The following ASB3 variants were observed in gnomAD, a reference collection of about 807,000 sequenced individuals.
ASB3 encodes the protein ankyrin repeat and SOCS box containing 3, also known as ankyrin repeat and SOCS box protein 3.
A neutral mutation model predicts 54.5 loss-of-function variants in ASB3; 41 were observed. The ratio of observed to expected loss-of-function variants is 0.75; its 90% CI spans 0.59 to 0.98. The LOEUF (loss-of-function observed/expected upper bound fraction) is 0.98. Among genes scored for constraint, ASB3 ranks in the 50% least tolerant of loss-of-function variants. ASB3 has a pLI of 0.00. For missense variants in ASB3, 733 were observed against 620.0 expected (o/e 1.18, Z -1.94); for synonymous variants, 266 against 221.2 (o/e 1.20, Z -1.80).
chr2:53,714,419 T>C lies in ASB3; in HGVS notation c.945A>G (p.Gly315=), dbSNP rs1476355624. 6 of 1,614,076 alleles carry C rather than the reference T, an allele frequency of 3.7e-6. No homozygotes were observed. The East Asian group carries it at 8.9e-5, about 24-fold the overall frequency. Reference sequence around the variant, plus strand: ...AAGCCATGCACACAGGAGAACTGAATCCAAAAACAAGGCACGCCTGGGCGT... The same window carrying C: ...AAGCCATGCACACAGGAGAACTGAACCCAAAAACAAGGCACGCCTGGGCGT... ...SPDAQACLVF[G]FSSPVCMAFQ... Residue 315 remains glycine (G), a synonymous_variant, in exon 7 of 10, where the codon GGA becomes GGG. Coordinates refer to ENST00000263634, the MANE Select transcript of ASB3 (RefSeq NM_016115.5).
intron 2 of ASB3, among the ~76,000 whole-genome samples, chr2:53,764,518 G>C (rs965600701): frequency 6.6e-6 from 1 of 152,200 alleles, no homozygotes; most frequent in Non-Finnish European, 1.5e-5. Context: ...GTGGCACAAT[G>C]ACTATCACAA....
At chr2:53,708,717 G>A (rs1327675117) in intron 7 of ASB3, among the ~76,000 whole-genome samples, 1 of 152,216 alleles carries the variant, frequency 6.6e-6, no homozygotes, top group Non-Finnish European at 1.5e-5. Flanking sequence ...TGGGAAGTGA[G>A]CAAAGGTCAC....
chr2:53,685,456 T>TC (rs772306529), intron 9 of ASB3, among the ~76,000 whole-genome samples: 61 of 152,174 alleles, frequency 4.0e-4, no homozygotes, highest in Non-Finnish European at 7.9e-4. Context: ...TGTCCACCTT[T>TC]CCCCCACCAG....
At chr2:53,682,159 CAAAAAAA>C (rs773098555) in intron 9 of ASB3, among the ~76,000 whole-genome samples, 4 of 77,098 alleles carry the variant, frequency 5.2e-5, no homozygotes, top group African/African-American at 2.0e-4. Flanking sequence ...GACTCCGTCT[CAAAAAAA>C]AAAAAAAAAA....
Position 53,714,407 on chromosome 2 carries a change from A to T in ASB3, c.957T>A (p.Pro319=). Reference sequence around the variant, plus strand: ...ACTCCTTTTGGAAAGCCATGCACACAGGAGAACTGAATCCAAAAACAAGGC... The same window carrying T: ...ACTCCTTTTGGAAAGCCATGCACACTGGAGAACTGAATCCAAAAACAAGGC... ...QACLVFGFSS[P]VCMAFQKDCE... Residue 319 remains proline (P), a synonymous_variant, in exon 7 of 10, where the codon CCT becomes CCA. Coordinates refer to ENST00000263634, the MANE Select transcript of ASB3 (RefSeq NM_016115.5). The T allele has an allele frequency of 6.2e-7, 1 of 1,614,234 alleles. No individual in the cohort carries two copies. Among genetic ancestry groups the T allele is most frequent in the Non-Finnish European group, 8.5e-7 (1 of 1,180,026 alleles).
At chr2:53,765,288 A>G in intron 2 of ASB3, 89 bp downstream of exon 2, 2 of 1,523,504 alleles carry the variant, frequency 1.3e-6, no homozygotes, top group Non-Finnish European at 1.8e-6. Flanking sequence ...GGAAACAAAT[A>G]CTACTGTTAA....
intron 5 of ASB3, among the ~76,000 whole-genome samples, chr2:53,721,939 A>G (rs2103872188): frequency 6.6e-6 from 1 of 152,210 alleles, no homozygotes; most frequent in African/African-American, 2.4e-5. Flanking sequence ...AAATTGACAG[A>G]CTGCTAGCTA....
chr2:53,714,170 A>G (rs905935249), intron 7 of ASB3, among the ~76,000 whole-genome samples: 4 of 152,170 alleles, frequency 2.6e-5, no homozygotes, highest in Non-Finnish European at 4.4e-5. Flanking sequence ...AATATAATCC[A>G]GATCCAAAGA....
chr2:53,760,754 T>C (rs10181460), intron 2 of ASB3, among the ~76,000 whole-genome samples: 81,860 of 151,516 alleles, frequency 0.54, 22,764 homozygotes, highest in African/African-American at 0.68. Context: ...ATAGTCAGGA[T>C]CTGTGAAGTG....
intron 9 of ASB3, among the ~76,000 whole-genome samples, chr2:53,682,768 C>T (rs558068832): frequency 5.9e-5 from 9 of 152,286 alleles, no homozygotes; most frequent in Admixed American, 3.3e-4. Flanking sequence ...TGAGCCACTG[C>T]GCCCAGCCTG....
chr2:53,704,864 C>G (rs557858735), intron 7 of ASB3, among the ~76,000 whole-genome samples: 1 of 152,154 alleles, frequency 6.6e-6, no homozygotes, highest in Non-Finnish European at 1.5e-5. Context: ...TTTATTCTAT[C>G]TGATCACTTA....
At chr2:53,755,744 A>G (rs993511896) in intron 2 of ASB3, among the ~76,000 whole-genome samples, 1 of 152,244 alleles carries the variant, frequency 6.6e-6, no homozygotes, top group Non-Finnish European at 1.5e-5. Context: ...GAAGAGGAAG[A>G]GGTTGAAAGG....
At chr2:53,759,435 A>G (rs1673016716) in intron 2 of ASB3, among the ~76,000 whole-genome samples, 1 of 152,202 alleles carries the variant, frequency 6.6e-6, no homozygotes, top group Non-Finnish European at 1.5e-5. Flanking sequence ...GGATAAGTTT[A>G]TCACTCAGTC....
chr2:53,734,944 G>C (rs571011434), intron 3 of ASB3, among the ~76,000 whole-genome samples: 38 of 139,374 alleles, frequency 2.7e-4, no homozygotes, highest in South Asian at 4.6e-4. Flanking sequence ...TTTTGAGATG[G>C]AGTCTTGCTC....
chr2:53,708,655 A>T, intron 7 of ASB3, among the ~76,000 whole-genome samples: 1 of 152,242 alleles, frequency 6.6e-6, no homozygotes, highest in East Asian at 1.9e-4. Context: ...CTGATAGTGA[A>T]TAAAAGTAAA....
At chr2:53,781,952 A>T (rs550706887) in intron 1 of ASB3, among the ~76,000 whole-genome samples, 5 of 152,346 alleles carry the variant, frequency 3.3e-5, no homozygotes, top group African/African-American at 1.2e-4. Context: ...TTCAACAAGT[A>T]CTGGCTGGGT....
intron 8 of ASB3, among the ~76,000 whole-genome samples, chr2:53,695,032 G>A (rs961311362): frequency 4.0e-5 from 6 of 151,838 alleles, no homozygotes; most frequent in African/African-American, 1.5e-4. Flanking sequence ...CCATCACAAT[G>A]GTTGGAGAAA....
chr2:53,675,586 C>G (rs927684989), intron 9 of ASB3, among the ~76,000 whole-genome samples: 1 of 152,116 alleles, frequency 6.6e-6, no homozygotes, highest in African/African-American at 2.4e-5. Flanking sequence ...TGAACTAAAT[C>G]AGGATTCTAT....
At position 53,693,957 on chromosome 2, in the gene ASB3, C is replaced by T; in HGVS notation, c.1296G>A (p.Lys432=). ...LIFTLEFTNW[K]TLAPAVERML... is the part of the protein sequence containing the mutation. ...TCCTTTCAACAGCTGGTGCAAGTGT[C>T]TTCCAATTAGTAAACTCCAAAGTGA... Residue 432 remains lysine, a synonymous_variant, in exon 9 of 10, where the codon AAG becomes AAA. Transcript: ENST00000263634. The T allele has an allele frequency of 6.2e-7, 1 of 1,613,622 alleles. No homozygotes were observed. The highest frequency in any genetic ancestry group is 2.2e-5 in the East Asian group (1 of 44,850).
Sources: gnomAD v4.1 joint callset for allele counts (sites outside exome capture counted in the v4.1 genomes callset) on GRCh38, gnomAD v4.1.1 for gene constraint, MANE v1.5 for transcripts, NCBI Gene and HGNC (gene_info 2026-07-23, HGNC 2026-07-21) for gene names.